G6PC2: variants seen among roughly 807,000 people sequenced by gnomAD.
G6PC2 encodes glucose-6-phosphatase catalytic subunit 2.
G6PC2 carries 41 observed loss-of-function variants against 35.4 expected under a neutral mutation model. That is an observed-to-expected ratio of 1.16 (90% CI 0.90 to 1.50). The LOEUF (loss-of-function observed/expected upper bound fraction) is 1.50. G6PC2 is among the 40% of genes most tolerant of loss of function. The probability of loss-of-function intolerance (pLI) is 0.00; values close to 1 mark genes in which losing one functional copy is unlikely to be tolerated. For synonymous variants in G6PC2, 165 were observed against 153.2 expected (o/e 1.08, Z -0.57); for missense variants, 441 against 426.5 (o/e 1.03, Z -0.30).
rs369261389 is a variant in G6PC2 at position 168,908,122 on chromosome 2, C to T, written c.*43C>T. The T allele has an allele frequency of 9.8e-6, 15 of 1,525,334 alleles. No individual in the cohort carries two copies. The African/African-American group carries it at 1.6e-4, about 17-fold the overall frequency. The allele number at this position is 1,525,334 out of a possible 1,614,324, so 94.5% of individuals were successfully genotyped here. A position where few individuals can be genotyped will look rare whatever the true frequency, so the allele number is the denominator to read the frequency against. On this transcript the variant is annotated 3_prime_UTR_variant, in exon 5 of 5. Transcript: ENST00000375363. ...GTGCTCTGTGTCACAGATCACCCTTCTCCATCCACCAGTAGAGCCACAGAG... is the reference window on the plus strand; with the variant it reads ...GTGCTCTGTGTCACAGATCACCCTTTTCCATCCACCAGTAGAGCCACAGAG...
intron 1 of G6PC2, 76 bp from the exon 2 acceptor site, chr2:168,902,369 A>T: frequency 1.3e-6 from 1 of 744,512 alleles, no homozygotes; most frequent in Admixed American, 1.9e-5. Flanking sequence ...TTTTATAGGA[A>T]AGAATTGCTA....
In G6PC2 at chr2:168,907,552, T is replaced by C. The variant is rs372931678; in HGVS notation, c.557-16T>C. On this transcript the variant is annotated splice_polypyrimidine_tract_variant and intron_variant, in intron 4 of 4. Transcript: ENST00000375363. ...AGGGCACACAGTCATTGTCAGTGTCTCTTTCCAATCCTCAGGCATGCTGGT... is the reference window on the plus strand; with the variant it reads ...AGGGCACACAGTCATTGTCAGTGTCCCTTTCCAATCCTCAGGCATGCTGGT... 7.4e-6 allele frequency: 12 copies of C among 1,613,366 alleles called. No homozygotes were observed. The African/African-American group carries it at 1.3e-4, about 18-fold the overall frequency.
Position 168,904,573 on chromosome 2 carries a change from C to T in G6PC2, c.397C>T (p.His133Tyr). Reference sequence around the variant, plus strand: ...TGTCATGGTAACCGCTGCCCTGAGCCACACTGTCTGTGGGATGGATAAGTT... The same window carrying T: ...TGTCATGGTAACCGCTGCCCTGAGCTACACTGTCTGTGGGATGGATAAGTT... ...WYVMVTAALSHTVCGMDKFSI... is the reference protein window; with the variant it reads ...WYVMVTAALSYTVCGMDKFSI... Residue 133 changes from histidine to tyrosine, a missense_variant, in exon 3 of 5, where the codon CAC becomes TAC. Physicochemically the swap from His to Tyr is moderately conservative, Grantham distance 83. Transcript: ENST00000375363. 6.2e-7 allele frequency: 1 copy of T among 1,612,204 alleles called. No individual in the cohort carries two copies. Among genetic ancestry groups the T allele is most frequent in the Non-Finnish European group, 8.5e-7 (1 of 1,178,248 alleles).
intron 3 of G6PC2, among the ~76,000 whole-genome samples, chr2:168,905,722 T>G (rs963335502): frequency 6.6e-6 from 1 of 152,214 alleles, no homozygotes; most frequent in African/African-American, 2.4e-5. Context: ...CCTTTTTAGT[T>G]TTTATAACTG....
chr2:168,907,542 TGTCA>T, intron 4 of G6PC2, 22 bp from the exon 5 acceptor site: 1 of 1,612,090 alleles, frequency 6.2e-7, no homozygotes, highest in South Asian at 1.1e-5. Flanking sequence ...ACACAGTCAT[TGTCA>T]GTGTCTCTTT....
At position 168,904,494 on chromosome 2, in the gene G6PC2, T is replaced by C. The variant is rs201484927; in HGVS notation, c.329-11T>C. On this transcript the variant is annotated splice_polypyrimidine_tract_variant and intron_variant, in intron 2 of 4. Coordinates refer to ENST00000375363, the MANE Select transcript of G6PC2 (RefSeq NM_021176.3). ...CCACTTTTCAAATGGACGGACACTT[T>C]GTTGTTGCAGGAAGTCCATCTGGCC... 1.4e-6 allele frequency: 2 copies of C among 1,437,380 alleles called. No individual in the cohort carries two copies. The highest frequency in any genetic ancestry group is 4.5e-5 in the East Asian group (2 of 44,036). The allele number at this position is 1,437,380 out of a possible 1,614,324, so 89.0% of individuals were successfully genotyped here. A position where few individuals can be genotyped will look rare whatever the true frequency, so the allele number is the denominator to read the frequency against.
At position 168,903,435 on chromosome 2, in the gene G6PC2, G is replaced by A. The variant is rs76906702; in HGVS notation, c.328+881G>A. Among the ~76,000 whole-genome samples, 628 of 152,108 alleles carry A rather than the reference G, an allele frequency of 4.1e-3. 6 individuals carry two copies. Among genetic ancestry groups the A allele is most frequent in the African/African-American group, 0.014 (584 of 41,488 alleles). ...ATATTAACTAATTCTTTATATATCCGATTGCCTAGACTGGGTGTTCCATCA... is the reference window on the plus strand; with the variant it reads ...ATATTAACTAATTCTTTATATATCCAATTGCCTAGACTGGGTGTTCCATCA... On this transcript the variant is annotated intron_variant, in intron 2 of 4. Transcript: ENST00000375363.
chr2:168,904,401 T>C, intron 2 of G6PC2, 104 bp from the exon 3 acceptor site: 1 of 782,176 alleles, frequency 1.3e-6, no homozygotes, highest in Non-Finnish European at 2.4e-6. Context: ...TGTCTTTTTT[T>C]CTGAGTTACT....
rs1690751838 is a variant in G6PC2, at chr2:168,907,908, C to T, written c.897C>T (p.Thr299=). The T allele has an allele frequency of 2.5e-6, 4 of 1,614,002 alleles. No individual in the cohort carries two copies. The highest frequency in any genetic ancestry group is 3.4e-6 in the Non-Finnish European group (4 of 1,179,874). ...TLSFRLLCAL[T]SLTILQLYHF... ...GCTTCCGGTTGCTCTGTGCCTTGACCTCATTGACAATACTGCAGCTCTACC... is the reference window on the plus strand; with the variant it reads ...GCTTCCGGTTGCTCTGTGCCTTGACTTCATTGACAATACTGCAGCTCTACC... The change falls in exon 5 of 5, where the codon ACC becomes ACT. Residue 299 remains threonine, a synonymous_variant. Transcript: ENST00000375363.
At chr2:168,903,335 G>A (rs542100384) in intron 2 of G6PC2, among the ~76,000 whole-genome samples, 1 of 152,188 alleles carries the variant, frequency 6.6e-6, no homozygotes, top group African/African-American at 2.4e-5. Flanking sequence ...AATTCTTAAT[G>A]AGTGTTCTGA....
At chr2:168,901,681 C>A in intron 1 of G6PC2, 132 bp downstream of exon 1, 1 of 656,970 alleles carries the variant, frequency 1.5e-6, no homozygotes. Flanking sequence ...TAACTTGAAA[C>A]ACCAGATTCA....
At chr2:168,905,970 A>C (rs1690699878) in intron 3 of G6PC2, among the ~76,000 whole-genome samples, 1 of 150,270 alleles carries the variant, frequency 6.7e-6, no homozygotes, top group Non-Finnish European at 1.5e-5. Flanking sequence ...AATGACATGC[A>C]TTGCTTGGAT....
Position 168,909,234 on chromosome 2 carries a change from A to T in G6PC2, c.*1155A>T, listed in dbSNP as rs545990072. 1.3e-5 allele frequency: 2 copies of T among 152,398 alleles called. 1 individual carries two copies. The highest frequency in any genetic ancestry group is 4.1e-4 in the South Asian group (2 of 4,828). The allele number at this position is 152,398 out of a possible 1,614,324, so 9.4% of individuals were successfully genotyped here. A position where few individuals can be genotyped will look rare whatever the true frequency, so the allele number is the denominator to read the frequency against. ...ATACACACGGGTCCAGGGACAACAG[A>T]ACAGGCCAGGCTACAGTATGGACTT... On this transcript the variant is annotated 3_prime_UTR_variant, in exon 5 of 5. Coordinates refer to ENST00000375363, the MANE Select transcript of G6PC2 (RefSeq NM_021176.3).
Position 168,908,323 on chromosome 2 carries a change from A to G in G6PC2, c.*244A>G. On this transcript the variant is annotated 3_prime_UTR_variant, in exon 5 of 5. Coordinates refer to ENST00000375363, the MANE Select transcript of G6PC2 (RefSeq NM_021176.3). ...AATCGGAAGTTCTGTATTTCTTGAA[A>G]AATCTGATAGTATGACAACACAGAG... is the stretch of plus-strand genomic sequence containing the variant. The G allele has an allele frequency of 1.7e-6, 1 of 574,854 alleles. No homozygotes were observed. Among genetic ancestry groups the G allele is most frequent in the East Asian group, 2.9e-5 (1 of 33,938 alleles). The allele number at this position is 574,854 out of a possible 1,614,324, so 35.6% of individuals were successfully genotyped here.
At chr2:168,905,600 T>C (rs529677651) in intron 3 of G6PC2, among the ~76,000 whole-genome samples, 2 of 152,300 alleles carry the variant, frequency 1.3e-5, no homozygotes, top group South Asian at 4.1e-4. Context: ...TTACAGACAA[T>C]TTTCAAAGTA....
rs1690753500 is a variant in G6PC2 at position 168,907,948 on chromosome 2, C to T, written c.937C>T (p.Pro313Ser). Reference sequence around the variant, plus strand: ...GCAGCTCTACCATTTCCTCCAGATCCCGACTCACGAAGAGCATTTATTTTA... The same window carrying T: ...GCAGCTCTACCATTTCCTCCAGATCTCGACTCACGAAGAGCATTTATTTTA... ...ILQLYHFLQI[P>S]THEEHLFYVL... Residue 313 changes from proline to serine, a missense_variant, in exon 5 of 5, where the codon CCG becomes TCG. Pro to Ser is a moderately conservative substitution (Grantham distance 74). Coordinates refer to ENST00000375363, the MANE Select transcript of G6PC2 (RefSeq NM_021176.3). 5.0e-6 allele frequency: 8 copies of T among 1,614,024 alleles called. No homozygotes were observed. The East Asian group carries it at 1.6e-4, about 31-fold the overall frequency.
chr2:168,908,076 G>C lies in G6PC2; in HGVS notation c.1065G>C (p.Gln355His). The change falls in exon 5 of 5, where the codon CAG (glutamine) becomes CAC (histidine). Residue 355 changes from glutamine to histidine, a missense_variant. By Grantham distance (24) the Gln-to-His change is conservative (BLOSUM62 0). Transcript: ENST00000375363. ...MLMKQSGKKS[Q>H] The stretch of plus-strand genomic sequence containing the variant: ...TGAAACAAAGCGGAAAGAAGAGTCA[G>C]TAGAGTGGTGCCTAGAGTTAGTGCT... The C allele has an allele frequency of 6.2e-7, 1 of 1,612,336 alleles. No individual in the cohort carries two copies.
In G6PC2 at chr2:168,904,383, C is replaced by T; in HGVS notation, c.329-122C>T. On this transcript the variant is annotated intron_variant, in intron 2 of 4. Coordinates refer to ENST00000375363, the MANE Select transcript of G6PC2 (RefSeq NM_021176.3). Reference sequence around the variant, plus strand: ...CCCACTTCTAAACATTACATATAGCCTGTGTCTTGTCTTTTTTTCTGAGTT... The same window carrying T: ...CCCACTTCTAAACATTACATATAGCTTGTGTCTTGTCTTTTTTTCTGAGTT... 7 of 769,270 alleles carry T rather than the reference C, an allele frequency of 9.1e-6. No individual in the cohort carries two copies. In the South Asian group the frequency reaches 9.5e-5, roughly 10 times the overall value. 47.7% of individuals were successfully genotyped at this position (769,270 alleles called of 1,614,324 possible). A position where few individuals can be genotyped will look rare whatever the true frequency, so the allele number is the denominator to read the frequency against.
chr2:168,902,488 C>G lies in G6PC2; in HGVS notation c.262C>G (p.Gln88Glu). The part of the protein sequence containing the change: ...HRPYWWVQET[Q>E]IYPNHSSPCL... ...ACCTTACTGGTGGGTCCAAGAAACT[C>G]AGATTTACCCAAATCACTCAAGTCC... Residue 88 changes from glutamine (Q) to glutamate (E), a missense_variant, in exon 2 of 5, where the codon CAG (glutamine) becomes GAG (glutamate). Physicochemically the swap from Gln to Glu is conservative, Grantham distance 29 (BLOSUM62 2). Coordinates refer to ENST00000375363, the MANE Select transcript of G6PC2 (RefSeq NM_021176.3). 1 of 1,584,140 alleles carries G rather than the reference C, an allele frequency of 6.3e-7. No individual in the cohort carries two copies. The highest frequency in any genetic ancestry group is 2.2e-5 in the East Asian group (1 of 44,710).
Sources: gnomAD v4.1 joint callset for allele counts (sites outside exome capture counted in the v4.1 genomes callset) on GRCh38, gnomAD v4.1.1 for gene constraint, MANE v1.5 for transcripts, NCBI Gene and HGNC (gene_info 2026-07-23, HGNC 2026-07-21) for gene names.